PIP4K2A: variants seen among roughly 807,000 people sequenced by gnomAD.
PIP4K2A encodes phosphatidylinositol 5-phosphate 4-kinase type-2 alpha.
In PIP4K2A, 14 loss-of-function variants were observed where a neutral mutation model predicts 42.9. The ratio of observed to expected loss-of-function variants is 0.33; its 90% CI spans 0.22 to 0.51. PIP4K2A has a LOEUF of 0.51. Ranked by LOEUF, PIP4K2A falls within the 20% of genes least tolerant of loss-of-function variation. PIP4K2A has a pLI of 0.97. For missense variants in PIP4K2A, 434 were observed against 519.8 expected, an observed-to-expected ratio of 0.83 and a Z score of 1.61; for synonymous variants, 192 against 192.2, an observed-to-expected ratio of 1.00 and a Z score of 0.01.
intron 1 of PIP4K2A, among the ~76,000 whole-genome samples, chr10:22,684,891 C>T (rs956378097): frequency 4.6e-5 from 7 of 152,092 alleles, no homozygotes; most frequent in Non-Finnish European, 8.8e-5. Context: ...CACAGCTGTC[C>T]GATACACAGC....
At position 22,561,565 on chromosome 10, in the gene PIP4K2A, GTTTTT is replaced by G. The variant is rs71394001; in HGVS notation, c.678+6281_678+6285del. On this transcript the variant is annotated intron_variant, in intron 6 of 9. Transcript: ENST00000376573. ...TATGTCACCAGAGATTCTCTACGCA[GTTTTT>G]TTTTTTTTTTTTTTTTTTTTTCTGA... is the stretch of plus-strand genomic sequence containing the variant. Among the ~76,000 whole-genome samples the G allele has an allele frequency of 1.5e-4, 17 of 113,500 alleles. 1 individual carries two copies. The highest frequency in any genetic ancestry group is 5.3e-4 in the South Asian group (2 of 3,784). 74.5% of individuals were successfully genotyped at this position (113,500 alleles called of 152,430 possible). A position where few individuals can be genotyped will look rare whatever the true frequency, so the allele number is the denominator to read the frequency against.
At chr10:22,563,618 A>G (rs1196390340) in intron 6 of PIP4K2A, among the ~76,000 whole-genome samples, 1 of 152,206 alleles carries the variant, frequency 6.6e-6, no homozygotes, top group Non-Finnish European at 1.5e-5. Context: ...CCTTAAAGGA[A>G]AGGAGAGACA....
intron 5 of PIP4K2A, among the ~76,000 whole-genome samples, chr10:22,569,820 T>TA (rs1405121674): frequency 6.6e-6 from 1 of 151,584 alleles, no homozygotes; most frequent in African/African-American, 2.4e-5. Context: ...TAATTCACAA[T>TA]AAAAAATTAT....
chr10:22,701,774 G>T (rs1164018733), intron 1 of PIP4K2A, among the ~76,000 whole-genome samples: 1 of 152,216 alleles, frequency 6.6e-6, no homozygotes, highest in Non-Finnish European at 1.5e-5. Flanking sequence ...AGGGAGGAGA[G>T]AAGTCGGCCT....
chr10:22,636,983 G>A (rs752484947), intron 1 of PIP4K2A, among the ~76,000 whole-genome samples: 4 of 152,236 alleles, frequency 2.6e-5, no homozygotes, highest in African/African-American at 7.2e-5. Flanking sequence ...CTGCGCAGCA[G>A]AGCCCAGCCC....
At position 22,537,178 on chromosome 10, in the gene PIP4K2A, T is replaced by G. The variant is rs1245893491; in HGVS notation, c.*23A>C. On this transcript the variant is annotated 3_prime_UTR_variant, in exon 10 of 10. Transcript: ENST00000376573. ...CACCTCTGTCCATCCAATGTTCATG[T>G]CTGTCCGAGGCTGCGCAGGAGGTTA... 4 of 1,576,058 alleles carry G rather than the reference T, an allele frequency of 2.5e-6. No individual in the cohort carries two copies. Among genetic ancestry groups the G allele is most frequent in the Non-Finnish European group, 3.5e-6 (4 of 1,153,164 alleles).
At chr10:22,573,237 G>T in intron 5 of PIP4K2A, 74 bp downstream of exon 5, 3 of 1,362,224 alleles carry the variant, frequency 2.2e-6, no homozygotes, top group Non-Finnish European at 1.0e-6. Context: ...CATTTCTGAT[G>T]ATCAATGACA....
chr10:22,619,151 T>G (rs1838253959), intron 1 of PIP4K2A, among the ~76,000 whole-genome samples: 1 of 152,004 alleles, frequency 6.6e-6, no homozygotes, highest in East Asian at 1.9e-4. Context: ...GAATATAGGT[T>G]GAAACAATTA....
intron 1 of PIP4K2A, among the ~76,000 whole-genome samples, chr10:22,640,329 G>A (rs1486755382): frequency 2.0e-5 from 3 of 152,110 alleles, no homozygotes; most frequent in African/African-American, 4.8e-5. Context: ...GTACTATTTT[G>A]GTACCAAAAG....
At chr10:22,652,079 A>T (rs1381300141) in intron 1 of PIP4K2A, among the ~76,000 whole-genome samples, 1 of 152,092 alleles carries the variant, frequency 6.6e-6, no homozygotes, top group Non-Finnish European at 1.5e-5. Flanking sequence ...TTTGTGTTGA[A>T]TAACCACTAA....
intron 1 of PIP4K2A, among the ~76,000 whole-genome samples, chr10:22,680,057 CAT>C (rs1331208904): frequency 6.7e-6 from 1 of 149,302 alleles, no homozygotes; most frequent in African/African-American, 2.5e-5. Flanking sequence ...CACTTTATAT[CAT>C]ATGTGAATTA....
chr10:22,700,281 T>C (rs1013514693), intron 1 of PIP4K2A, among the ~76,000 whole-genome samples: 1 of 152,192 alleles, frequency 6.6e-6, no homozygotes, highest in African/African-American at 2.4e-5. Context: ...ATAGCACCGA[T>C]CTCATACAAG....
At chr10:22,567,657 T>G (rs1342140918) in intron 6 of PIP4K2A, 194 bp downstream of exon 6, 2 of 743,692 alleles carry the variant, frequency 2.7e-6, no homozygotes, top group Non-Finnish European at 2.5e-6. Flanking sequence ...GTTTCACTAT[T>G]CAACAATTTG....
intron 1 of PIP4K2A, among the ~76,000 whole-genome samples, chr10:22,643,042 C>T (rs1838812323): frequency 6.6e-6 from 1 of 152,114 alleles, no homozygotes; most frequent in African/African-American, 2.4e-5. Flanking sequence ...AAGGCTCCAG[C>T]ACCAAGGAGG....
intron 1 of PIP4K2A, among the ~76,000 whole-genome samples, chr10:22,614,572 C>T (rs1320129919): frequency 6.6e-6 from 1 of 152,172 alleles, no homozygotes; most frequent in African/African-American, 2.4e-5. Context: ...TAAACAAACA[C>T]TTCACAAAAC....
At chr10:22,550,820 A>T in intron 6 of PIP4K2A, 48 bp from the exon 7 acceptor site, 1 of 1,175,352 alleles carries the variant, frequency 8.5e-7, no homozygotes, top group Non-Finnish European at 1.3e-6. Context: ...AAGAAAACCT[A>T]AAAAAACCAC....
At chr10:22,675,906 A>C (rs1839548251) in intron 1 of PIP4K2A, among the ~76,000 whole-genome samples, 1 of 152,126 alleles carries the variant, frequency 6.6e-6, no homozygotes, top group African/African-American at 2.4e-5. Flanking sequence ...AAAATCACAT[A>C]ATTTATTGCA....
intron 4 of PIP4K2A, among the ~76,000 whole-genome samples, chr10:22,575,948 CAAA>C (rs941971840): frequency 6.7e-6 from 1 of 150,028 alleles, no homozygotes; most frequent in Non-Finnish European, 1.5e-5. Context: ...AAAAAAAAAA[CAAA>C]AAAGAAAAAA....
At chr10:22,703,227 G>A (rs769112460) in intron 1 of PIP4K2A, among the ~76,000 whole-genome samples, 9 of 151,826 alleles carry the variant, frequency 5.9e-5, no homozygotes, top group South Asian at 2.1e-4. Flanking sequence ...GCAACACAGC[G>A]AGACCCCCCA....
Sources: allele counts gnomAD v4.1 joint callset (sites outside exome capture counted in the v4.1 genomes callset), GRCh38; gene constraint gnomAD v4.1.1; transcripts MANE v1.5; gene names NCBI Gene and HGNC (gene_info 2026-07-23, HGNC 2026-07-21).